Variants in FAF1 observed in about 807,000 individuals in gnomAD.
FAF1 encodes FAS-associated factor 1.
FAF1 carries 25 observed loss-of-function variants against 92.5 expected under a neutral mutation model. That is an observed-to-expected ratio of 0.27 (90% CI 0.20 to 0.38). The LOEUF is 0.38. Among genes scored for constraint, FAF1 ranks in the 10% least tolerant of loss-of-function variants. FAF1 has a pLI of 1.00. For missense variants in FAF1, 636 were observed against 793.3 expected, an observed-to-expected ratio of 0.80 and a Z score of 2.38; for synonymous variants, 234 against 273.2, an observed-to-expected ratio of 0.86 and a Z score of 1.42.
At chr1:50,460,662 C>T (rs1018795584) in intron 18 of FAF1, among the ~76,000 whole-genome samples, 7 of 148,986 alleles carry the variant, frequency 4.7e-5, no homozygotes, top group Admixed American at 6.7e-5. Context: ...GAGGCAGGGC[C>T]TGGCTCTCTA....
chr1:50,944,358 G>A (rs898829104), intron 1 of FAF1, among the ~76,000 whole-genome samples: 1 of 152,164 alleles, frequency 6.6e-6, no homozygotes, highest in Admixed American at 6.5e-5. Context: ...CTTCAAGGGC[G>A]ATTCTGAAAG....
intron 4 of FAF1, among the ~76,000 whole-genome samples, chr1:50,773,600 T>A (rs1039130025): frequency 2.0e-5 from 3 of 152,158 alleles, no homozygotes; most frequent in African/African-American, 4.8e-5. Context: ...ACACACATGC[T>A]CTCACTTACA....
chr1:50,888,826 T>C (rs557978835), intron 1 of FAF1, among the ~76,000 whole-genome samples: 1 of 152,288 alleles, frequency 6.6e-6, no homozygotes, highest in Admixed American at 6.5e-5. Flanking sequence ...TAAAATTCTC[T>C]TTTTTTGTTG....
At chr1:50,601,806 A>G (rs1209832018) in intron 8 of FAF1, among the ~76,000 whole-genome samples, 1 of 151,960 alleles carries the variant, frequency 6.6e-6, no homozygotes, top group Non-Finnish European at 1.5e-5. Context: ...ATATTCATAT[A>G]CATATGAATT....
In FAF1 at chr1:50,475,589, T is replaced by TG; in HGVS notation, c.1743dup (p.Ser582GlnfsTer20). 2 of 1,614,086 alleles carry TG rather than the reference T, an allele frequency of 1.2e-6. No homozygotes were observed. Among genetic ancestry groups the TG allele is most frequent in the Non-Finnish European group, 8.5e-7 (1 of 1,179,974 alleles). ...AAACGCCGCTCCAAGAACTCGCCACTGGGGGTCCGGATCCGCAGTTTGCTC... is the reference window on the plus strand; with the variant it reads ...AAACGCCGCTCCAAGAACTCGCCACTGGGGGGTCCGGATCCGCAGTTTGCTC... On this transcript the variant is annotated frameshift_variant, in exon 18 of 19. Coordinates refer to ENST00000396153, the MANE Select transcript of FAF1 (RefSeq NM_007051.3). LOFTEE classifies it high-confidence loss of function.
intron 18 of FAF1, among the ~76,000 whole-genome samples, chr1:50,452,880 T>C (rs112854770): frequency 6.6e-6 from 1 of 152,240 alleles, no homozygotes; most frequent in Non-Finnish European, 1.5e-5. Flanking sequence ...ATTTCTCATC[T>C]GTAAGTTGGT....
intron 6 of FAF1, among the ~76,000 whole-genome samples, chr1:50,725,027 G>T (rs1028756689): frequency 1.3e-5 from 2 of 152,112 alleles, no homozygotes; most frequent in Admixed American, 6.6e-5. Flanking sequence ...TTTAGATTTC[G>T]ATTTAGATCT....
intron 1 of FAF1, among the ~76,000 whole-genome samples, chr1:50,928,732 G>A (rs1355542817): frequency 7.4e-5 from 10 of 135,948 alleles, no homozygotes; most frequent in African/African-American, 2.5e-4. Context: ...GCACTGAACC[G>A]AAATCACGCC....
rs764679014 is a variant in FAF1, at chr1:50,490,487, AAGGAAAGG to A, written c.1653+93_1653+100del. 5.3e-4 allele frequency: 335 copies of A among 630,994 alleles called. 12 individuals carry two copies. The highest frequency in any genetic ancestry group is 1.4e-3 in the Admixed American group (57 of 39,864). The allele number at this position is 630,994 out of a possible 1,614,324, so 39.1% of individuals were successfully genotyped here. On this transcript the variant is annotated intron_variant, in intron 17 of 18. Transcript: ENST00000396153. The stretch of plus-strand genomic sequence containing the variant: ...AAAAGAAAGAAGGAAGGAAGGAAGG[AAGGAAAGG>A]AAGGAAGGAAGGAAGGAAGGAAGGT...
chr1:50,871,176 A>C (rs1282297752), intron 1 of FAF1, among the ~76,000 whole-genome samples: 1 of 152,234 alleles, frequency 6.6e-6, no homozygotes, highest in African/African-American at 2.4e-5. Flanking sequence ...CACGCAGAAG[A>C]AAAGTTTGAA....
At chr1:50,498,924 C>G (rs1209206834) in intron 15 of FAF1, among the ~76,000 whole-genome samples, 1 of 151,398 alleles carries the variant, frequency 6.6e-6, no homozygotes, top group Admixed American at 6.6e-5. Flanking sequence ...ATGGCCAGTA[C>G]AGGCATGTTC....
chr1:50,866,279 C>A (rs1018335692), intron 1 of FAF1, among the ~76,000 whole-genome samples: 1 of 152,062 alleles, frequency 6.6e-6, no homozygotes, highest in African/African-American at 2.4e-5. Flanking sequence ...AGAACTGGAA[C>A]AAGATAAGGA....
At chr1:50,790,383 G>A (rs1196217908) in intron 3 of FAF1, among the ~76,000 whole-genome samples, 2 of 151,966 alleles carry the variant, frequency 1.3e-5, no homozygotes, top group Non-Finnish European at 2.9e-5. Flanking sequence ...CTCATGATCC[G>A]CCTGCCTCGG....
At chr1:50,762,285 A>C (rs1342365408) in intron 4 of FAF1, among the ~76,000 whole-genome samples, 1 of 152,254 alleles carries the variant, frequency 6.6e-6, no homozygotes, top group Non-Finnish European at 1.5e-5. Flanking sequence ...TATAGATTCA[A>C]TGCCATCCCC....
intron 7 of FAF1, among the ~76,000 whole-genome samples, chr1:50,674,072 T>C (rs1455739478): frequency 6.6e-6 from 1 of 151,920 alleles, no homozygotes; most frequent in East Asian, 1.9e-4. Context: ...TGCCTCAGCC[T>C]CCCAAGTAGC....
chr1:50,892,461 T>C (rs1644727853), intron 1 of FAF1, among the ~76,000 whole-genome samples: 1 of 152,236 alleles, frequency 6.6e-6, no homozygotes, highest in Non-Finnish European at 1.5e-5. Context: ...AGACTAGAGC[T>C]GTTCCTATTT....
chr1:50,712,030 C>T (rs1239630017), intron 6 of FAF1, among the ~76,000 whole-genome samples: 1 of 152,140 alleles, frequency 6.6e-6, no homozygotes, highest in African/African-American at 2.4e-5. Flanking sequence ...TACTTAATTA[C>T]TATCATACAA....
chr1:50,730,681 T>C (rs1193146922), intron 6 of FAF1, among the ~76,000 whole-genome samples: 1 of 152,226 alleles, frequency 6.6e-6, no homozygotes, highest in African/African-American at 2.4e-5. Flanking sequence ...TCCAGTTCTA[T>C]ACTATACCCA....
intron 2 of FAF1, among the ~76,000 whole-genome samples, chr1:50,845,894 G>A (rs1160533710): frequency 2.6e-5 from 4 of 152,024 alleles, no homozygotes; most frequent in East Asian, 1.9e-4. Context: ...AGGTCAAGAC[G>A]GGTGGATCAC....
Sources: gnomAD v4.1 joint callset for allele counts (sites outside exome capture counted in the v4.1 genomes callset) on GRCh38, gnomAD v4.1.1 for gene constraint, MANE v1.5 for transcripts, NCBI Gene and HGNC (gene_info 2026-07-23, HGNC 2026-07-21) for gene names.